The following COPZ1 variants were observed in gnomAD, a reference collection of about 807,000 sequenced individuals.
The protein encoded by COPZ1 is coat protein complex I subunit zeta 1, also known as coatomer subunit zeta-1.
A neutral mutation model predicts 31.7 loss-of-function variants in COPZ1; 4 were observed. The ratio of observed to expected loss-of-function variants is 0.13; its 90% CI spans 0.06 to 0.29. The LOEUF (loss-of-function observed/expected upper bound fraction) is 0.29. COPZ1 is among the 10% of genes least tolerant of loss of function. The pLI is 1.00. For missense variants in COPZ1, 156 were observed against 211.5 expected (o/e 0.74, Z 1.63); for synonymous variants, 74 against 79.0 (o/e 0.94, Z 0.33).
At chr12:54,329,476 C>T (rs1019427323) in intron 1 of COPZ1, among the ~76,000 whole-genome samples, 7 of 152,116 alleles carry the variant, frequency 4.6e-5, no homozygotes, top group East Asian at 3.9e-4. Context: ...CCCAGCTACA[C>T]GGGAGACTGA....
chr12:54,342,493 GCTACCTGT>G (rs1953988471), intron 3 of COPZ1: 3 of 572,208 alleles, frequency 5.2e-6, no homozygotes, highest in African/African-American at 1.9e-5. Context: ...TTGGCTGTTA[GCTACCTGT>G]CTAGTCCCTG....
chr12:54,339,749 T>C, intron 1 of COPZ1, among the ~76,000 whole-genome samples: 1 of 152,078 alleles, frequency 6.6e-6, no homozygotes, highest in East Asian at 1.9e-4. Context: ...CTTATTTGAT[T>C]CTTGGTAGTG....
At chr12:54,334,407 C>T (rs1953816628) in intron 1 of COPZ1, among the ~76,000 whole-genome samples, 1 of 150,484 alleles carries the variant, frequency 6.6e-6, no homozygotes. Flanking sequence ...GGCAACAGAG[C>T]AACACTGTCT....
intron 2 of COPZ1, 67 bp from the exon 3 acceptor site, chr12:54,342,139 C>T (rs1953982533): frequency 6.2e-6 from 7 of 1,135,536 alleles, no homozygotes; most frequent in Admixed American, 1.7e-5. Flanking sequence ...CAGGGCAAAA[C>T]ATAGTCACTA....
rs140135068 is a variant in COPZ1 at position 54,330,576 on chromosome 12, G to A, written c.18+5395G>A. On this transcript the variant is annotated intron_variant, in intron 1 of 8. Transcript: ENST00000262061. The stretch of plus-strand genomic sequence containing the variant: ...CACATGGTCAGAAGAGGAGGAGGGG[G>A]CCTCCATGTGAGGAAAACCAGACCC... 7.9e-5 allele frequency among the ~76,000 whole-genome samples: 12 copies of A among 152,348 alleles called. No homozygotes were observed. The East Asian group carries it at 2.3e-3, about 29-fold the overall frequency.
intron 1 of COPZ1, among the ~76,000 whole-genome samples, chr12:54,327,970 T>C (rs1029239764): frequency 1.3e-5 from 2 of 151,122 alleles, no homozygotes; most frequent in African/African-American, 4.9e-5. Context: ...GGGGGAGTTA[T>C]ATGTGAAAGT....
chr12:54,339,276 A>AAG (rs1205373118), intron 1 of COPZ1, among the ~76,000 whole-genome samples: 1 of 151,584 alleles, frequency 6.6e-6, no homozygotes, highest in East Asian at 1.9e-4. Flanking sequence ...AAAAAAAAAA[A>AAG]AGAAAGTCAA....
At chr12:54,337,923 A>G (rs370999493) in intron 1 of COPZ1, among the ~76,000 whole-genome samples, 44 of 152,324 alleles carry the variant, frequency 2.9e-4, no homozygotes, top group African/African-American at 1.0e-3. Flanking sequence ...CTAGGAAGCC[A>G]GTGAAAAGAA....
chr12:54,332,787 C>T (rs544522562), intron 1 of COPZ1, among the ~76,000 whole-genome samples: 1 of 151,000 alleles, frequency 6.6e-6, no homozygotes, highest in Non-Finnish European at 1.5e-5. Context: ...TGGTTGCTGA[C>T]CTTTATTCCC....
chr12:54,345,451 T>G lies in COPZ1; in HGVS notation c.262-9T>G. 1 of 1,612,400 alleles carries G rather than the reference T, an allele frequency of 6.2e-7. No individual in the cohort carries two copies. Among genetic ancestry groups the G allele is most frequent in the African/African-American group, 1.3e-5 (1 of 75,002 alleles). On this transcript the variant is annotated splice_polypyrimidine_tract_variant and intron_variant, in intron 4 of 8. Transcript: ENST00000262061. ...ACCTTATCCTTCTGCCTCCTCTGTTTCCCAACAGCTGATGCTTATGGCTGT... is the reference window on the plus strand; with the variant it reads ...ACCTTATCCTTCTGCCTCCTCTGTTGCCCAACAGCTGATGCTTATGGCTGT...
intron 5 of COPZ1, among the ~76,000 whole-genome samples, chr12:54,346,000 A>G (rs1340123544): frequency 6.6e-6 from 1 of 151,586 alleles, no homozygotes; most frequent in Non-Finnish European, 1.5e-5. Context: ...ACAGTAATTC[A>G]TGCTACTGGG....
At chr12:54,342,050 T>A (rs1303596380) in intron 2 of COPZ1, among the ~76,000 whole-genome samples, 156 bp from the exon 3 acceptor site, 1 of 152,218 alleles carries the variant, frequency 6.6e-6, no homozygotes, top group Non-Finnish European at 1.5e-5. Flanking sequence ...CTGCCCATTC[T>A]CTGCCTCTAC....
At chr12:54,325,756 T>C (rs1045912407) in intron 1 of COPZ1, 5 of 152,788 alleles carry the variant, frequency 3.3e-5, no homozygotes, top group African/African-American at 1.2e-4. Flanking sequence ...TGGAATATTT[T>C]TTCTAGACTC....
intron 4 of COPZ1, among the ~76,000 whole-genome samples, chr12:54,343,633 A>G (rs749965677): frequency 4.6e-5 from 7 of 152,212 alleles, no homozygotes; most frequent in South Asian, 2.1e-4. Flanking sequence ...TGCTTCTTCT[A>G]TGAAGGGTCC....
intron 1 of COPZ1, among the ~76,000 whole-genome samples, chr12:54,334,523 TGGAG>T (rs1166580926): frequency 6.6e-6 from 1 of 151,994 alleles, no homozygotes; most frequent in Non-Finnish European, 1.5e-5. Context: ...GCTGGCAAAT[TGGAG>T]CCCTTAACCC....
chr12:54,329,534 A>C (rs1211642919), intron 1 of COPZ1, among the ~76,000 whole-genome samples: 1 of 152,104 alleles, frequency 6.6e-6, no homozygotes, highest in African/African-American at 2.4e-5. Flanking sequence ...CAGTGAGCCG[A>C]GGGCCATTGC....
At chr12:54,333,895 A>G (rs1592199717) in intron 1 of COPZ1, among the ~76,000 whole-genome samples, 1 of 151,850 alleles carries the variant, frequency 6.6e-6, no homozygotes, top group Non-Finnish European at 1.5e-5. Context: ...AGTGGCTCCC[A>G]CTCTTTCCTG....
chr12:54,340,408 A>G, intron 1 of COPZ1, 139 bp from the exon 2 acceptor site: 1 of 1,389,708 alleles, frequency 7.2e-7, no homozygotes. Context: ...AAATATCAAA[A>G]TCTGACCAAG....
chr12:54,333,855 C>A (rs1300816452), intron 1 of COPZ1, among the ~76,000 whole-genome samples: 1 of 152,146 alleles, frequency 6.6e-6, no homozygotes, highest in Admixed American at 6.6e-5. Context: ...TATTTGGTCT[C>A]ATGTCAGCTG....
Sources: gnomAD v4.1 joint callset for allele counts (sites outside exome capture counted in the v4.1 genomes callset) on GRCh38, gnomAD v4.1.1 for gene constraint, MANE v1.5 for transcripts, NCBI Gene and HGNC (gene_info 2026-07-23, HGNC 2026-07-21) for gene names.